PCDHA5: variants seen among roughly 807,000 people sequenced by gnomAD.
The protein encoded by PCDHA5 is protocadherin alpha 5, also known as protocadherin alpha-5.
Under a neutral mutation model 61.6 loss-of-function variants are expected in PCDHA5, and 43 were observed. The ratio of observed to expected loss-of-function variants is 0.70; its 90% CI spans 0.55 to 0.90. The LOEUF (loss-of-function observed/expected upper bound fraction) is 0.90, where lower values mean the gene tolerates loss of function less well. Among genes scored for constraint, PCDHA5 ranks in the 40% least tolerant of loss-of-function variants. The probability of loss-of-function intolerance (pLI) is 0.00; values close to 1 mark genes in which losing one functional copy is unlikely to be tolerated. For synonymous variants in PCDHA5, 627 were observed against 543.9 expected (o/e 1.15, Z -2.13); for missense variants, 1,298 against 1,222.7 (o/e 1.06, Z -0.92).
chr5:140,877,156 G>A (rs1471783281), intron 1 of PCDHA5: 1 of 1,613,692 alleles, frequency 6.2e-7, no homozygotes, highest in Admixed American at 1.7e-5. Context: ...GAACGACAAC[G>A]CGCCGGCACT....
chr5:141,003,623 G>C (rs572368614), intron 3 of PCDHA5, among the ~76,000 whole-genome samples: 1 of 152,240 alleles, frequency 6.6e-6, no homozygotes, highest in East Asian at 1.9e-4. Flanking sequence ...CCAGAGGGCA[G>C]TTTTTAAAGT....
At chr5:140,829,754 G>T (rs2150173940) in intron 1 of PCDHA5, 3 of 1,613,740 alleles carry the variant, frequency 1.9e-6, no homozygotes, top group Non-Finnish European at 2.5e-6. Context: ...GCAGGTGTTC[G>T]TGCTGGACGA....
At chr5:140,984,177 A>G (rs1337365733) in intron 3 of PCDHA5, among the ~76,000 whole-genome samples, 3 of 152,190 alleles carry the variant, frequency 2.0e-5, no homozygotes, top group Non-Finnish European at 4.4e-5. Context: ...AAGCCACGTG[A>G]AATCATGACT....
chr5:140,957,385 A>G (rs1166781130), intron 1 of PCDHA5, among the ~76,000 whole-genome samples: 1 of 152,192 alleles, frequency 6.6e-6, no homozygotes, highest in Non-Finnish European at 1.5e-5. Flanking sequence ...GTGTATTGTT[A>G]TAATTGTCCT....
At position 140,835,306 on chromosome 5, in the gene PCDHA5, T is replaced by G; in HGVS notation, c.2352+11179T>G. 1.9e-6 allele frequency: 3 copies of G among 1,612,964 alleles called. No individual in the cohort carries two copies. In the Middle Eastern group the frequency reaches 5.0e-4, roughly 267 times the overall value. ...GGGGCAATCACAGTGATAGGACATA[T>G]GGATTTTGAAGAAAGTAGAGCACAC... On this transcript the variant is annotated intron_variant, in intron 1 of 3. Transcript: ENST00000529859.
chr5:140,883,090 T>A (rs550322124), intron 1 of PCDHA5: 1 of 1,614,020 alleles, frequency 6.2e-7, no homozygotes, highest in East Asian at 2.2e-5. Flanking sequence ...ATGGTACAAA[T>A]GGAGATATAG....
intron 1 of PCDHA5, chr5:140,929,740 A>G (rs2086345950): frequency 5.1e-6 from 1 of 196,656 alleles, no homozygotes; most frequent in African/African-American, 2.3e-5. Context: ...AACTATTGCA[A>G]TGCATTATTA....
chr5:140,997,711 C>T (rs963457412), intron 3 of PCDHA5, among the ~76,000 whole-genome samples: 4 of 151,080 alleles, frequency 2.6e-5, no homozygotes. Flanking sequence ...TTAACAAACA[C>T]CTTTCTACGT....
chr5:140,846,229 T>C (rs1166020827), intron 1 of PCDHA5, among the ~76,000 whole-genome samples: 1 of 149,582 alleles, frequency 6.7e-6, no homozygotes, highest in Non-Finnish European at 1.5e-5. Context: ...GTATTTTTCT[T>C]AAAAAGAAGT....
intron 1 of PCDHA5, chr5:140,868,985 C>A: frequency 1.3e-6 from 2 of 1,500,940 alleles, no homozygotes; most frequent in Non-Finnish European, 1.8e-6. Context: ...ATACCGGATG[C>A]CACCGTTTAA....
At chr5:140,882,112 C>T (rs1399071152) in intron 1 of PCDHA5, 2 of 1,384,570 alleles carry the variant, frequency 1.4e-6, no homozygotes, top group Non-Finnish European at 1.9e-6. Flanking sequence ...CGAAGAAAGC[C>T]GCCGTTTCTT....
At chr5:140,824,317 G>A in intron 1 of PCDHA5, 190 bp downstream of exon 1, 1 of 731,928 alleles carries the variant, frequency 1.4e-6, no homozygotes, top group Non-Finnish European at 2.3e-6. Context: ...AGATTCATCA[G>A]CTTTCTGTGA....
intron 1 of PCDHA5, chr5:140,927,766 G>A: frequency 1.2e-6 from 2 of 1,614,234 alleles, no homozygotes; most frequent in Non-Finnish European, 1.7e-6. Context: ...TAAAAGTGGG[G>A]AGGTGCAAGT....
chr5:140,899,384 A>G (rs2067296665), intron 1 of PCDHA5, among the ~76,000 whole-genome samples: 2 of 152,124 alleles, frequency 1.3e-5, no homozygotes, highest in Admixed American at 1.3e-4. Context: ...TAATTTATTG[A>G]GAGTTTTTAG....
intron 1 of PCDHA5, among the ~76,000 whole-genome samples, chr5:140,915,331 T>G (rs1485344164): frequency 6.6e-6 from 1 of 152,184 alleles, no homozygotes; most frequent in Non-Finnish European, 1.5e-5. Context: ...TGTTATAATA[T>G]TCTGTGTTTT....
rs114640080 is a variant in PCDHA5, at chr5:140,841,887, A to C, written c.2352+17760A>C. The C allele has an allele frequency of 8.3e-4, 1,346 of 1,613,824 alleles. 14 individuals are homozygous for C. In the African/African-American group the frequency reaches 0.016, roughly 20 times the overall value. ...GATGTGAATTCAAAGAACGATGAGA[A>C]TAAACTGGTTGAGCTCGTATTAAGA... On this transcript the variant is annotated intron_variant, in intron 1 of 3. Transcript: ENST00000529859.
At chr5:140,875,372 T>C in intron 1 of PCDHA5, 5 of 1,451,920 alleles carry the variant, frequency 3.4e-6, no homozygotes, top group Non-Finnish European at 4.5e-6. Flanking sequence ...AAAAATTTAC[T>C]AAATATGTAC....
intron 1 of PCDHA5, chr5:140,856,142 T>G (rs1554148241): frequency 6.3e-7 from 1 of 1,598,118 alleles, no homozygotes; most frequent in East Asian, 2.2e-5. Flanking sequence ...CCAGCTCCAC[T>G]ACTCAGTCTA....
intron 1 of PCDHA5, among the ~76,000 whole-genome samples, chr5:140,907,747 G>A (rs782672220): frequency 7.9e-5 from 12 of 152,172 alleles, no homozygotes; most frequent in Admixed American, 2.0e-4. Flanking sequence ...TGGCCACTTT[G>A]TTCATGGGCC....
Sources: allele counts gnomAD v4.1 joint callset (sites outside exome capture counted in the v4.1 genomes callset), GRCh38; gene constraint gnomAD v4.1.1; transcripts MANE v1.5; gene names NCBI Gene and HGNC (gene_info 2026-07-23, HGNC 2026-07-21).